ZSWIM7: variants seen among roughly 807,000 people sequenced by gnomAD.
ZSWIM7 encodes zinc finger SWIM domain-containing protein 7.
A neutral mutation model predicts 21.1 loss-of-function variants in ZSWIM7; 22 were observed. The observed-to-expected ratio is 1.04, with a 90% CI of 0.74 to 1.49. The LOEUF is 1.49. Among genes scored for constraint, ZSWIM7 ranks in the 40% most tolerant of loss-of-function variants. ZSWIM7 has a pLI of 0.00. For missense variants in ZSWIM7, 193 were observed against 168.0 expected (o/e 1.15, Z -0.82); for synonymous variants, 67 against 66.5 (o/e 1.01, Z -0.04).
At chr17:15,978,254 A>G (rs1970303635) in intron 4 of ZSWIM7, 91 bp from the exon 5 acceptor site, 1 of 903,928 alleles carries the variant, frequency 1.1e-6, no homozygotes, top group Non-Finnish European at 1.8e-6. Context: ...CTTATTTGGC[A>G]GGAGAAGACT....
chr17:15,990,337 GTTA>G (rs367797972), intron 2 of ZSWIM7, among the ~76,000 whole-genome samples: 27 of 150,792 alleles, frequency 1.8e-4, no homozygotes, highest in East Asian at 5.8e-4. Flanking sequence ...ATAAGTGTGG[GTTA>G]TTATTATTAT....
intron 3 of ZSWIM7, among the ~76,000 whole-genome samples, chr17:15,983,620 T>A (rs2151622358): frequency 6.6e-6 from 1 of 152,210 alleles, no homozygotes; most frequent in African/African-American, 2.4e-5. Flanking sequence ...AGAGTTTCAT[T>A]TTGTTGCCCA....
At chr17:15,995,658 G>C (rs1168697621) in intron 1 of ZSWIM7, among the ~76,000 whole-genome samples, 1 of 150,152 alleles carries the variant, frequency 6.7e-6, no homozygotes, top group African/African-American at 2.5e-5. Context: ...CCAGGAAGTA[G>C]AGAAAATATA....
At position 15,999,564 on chromosome 17, in the gene ZSWIM7, C is replaced by T. The variant is rs1366779869; in HGVS notation, c.31G>A (p.Glu11Lys). 6.3e-7 allele frequency: 1 copy of T among 1,590,020 alleles called. No individual in the cohort carries two copies. The highest frequency in any genetic ancestry group is 1.1e-5 in the South Asian group (1 of 89,154). Residue 11 changes from glutamate to lysine, a missense_variant, in exon 1 of 5, where the codon GAG (glutamate) becomes AAG (lysine). Glu to Lys is a moderately conservative substitution (Grantham distance 56). Transcript: ENST00000399277. MAVVLPAVVE[E>K]LLSEMAAAVQ... ...GCCGCCGCCATCTCGCTCAGGAGCTCCTCCACAACCGCCGGCAACACTACG... is the reference window on the plus strand; with the variant it reads ...GCCGCCGCCATCTCGCTCAGGAGCTTCTCCACAACCGCCGGCAACACTACG...
At chr17:15,988,797 T>A (rs528984770) in intron 2 of ZSWIM7, among the ~76,000 whole-genome samples, 1 of 152,262 alleles carries the variant, frequency 6.6e-6, no homozygotes, top group South Asian at 2.1e-4. Context: ...GGCAGGCAGA[T>A]CACCAGAGGT....
At chr17:15,992,934 T>C (rs1310468953) in intron 2 of ZSWIM7, among the ~76,000 whole-genome samples, 3 of 152,170 alleles carry the variant, frequency 2.0e-5, no homozygotes, top group Non-Finnish European at 4.4e-5. Context: ...TGGAGTGCAA[T>C]GGCACAATCG....
chr17:15,987,221 C>T (rs779360725), intron 3 of ZSWIM7, 45 bp downstream of exon 3: 20 of 1,483,846 alleles, frequency 1.3e-5, no homozygotes, highest in Non-Finnish European at 1.6e-5. Flanking sequence ...AACATTTTGT[C>T]CTAAGGGGTT....
At position 15,977,805 on chromosome 17, in the gene ZSWIM7, C is replaced by T. The variant is rs1263168119; in HGVS notation, c.*242G>A. On this transcript the variant is annotated 3_prime_UTR_variant, in exon 5 of 5. Coordinates refer to ENST00000399277, the MANE Select transcript of ZSWIM7 (RefSeq NM_001042697.2). ...CATCCAGGGACATTTTTTACCGAAG[C>T]GTCTCAGAGACTGGCTCAGGGTATT... The T allele has an allele frequency of 8.6e-6, 3 of 347,486 alleles. No homozygotes were observed. The highest frequency in any genetic ancestry group is 1.6e-5 in the Non-Finnish European group (3 of 187,776). The allele number at this position is 347,486 out of a possible 1,614,324, so 21.5% of individuals were successfully genotyped here.
intron 1 of ZSWIM7, among the ~76,000 whole-genome samples, chr17:15,994,160 C>T (rs1380685370): frequency 6.6e-6 from 1 of 152,128 alleles, no homozygotes; most frequent in Non-Finnish European, 1.5e-5. Flanking sequence ...ACCATGCTGG[C>T]CATGCTGGTC....
At chr17:15,995,891 T>C (rs1270673056) in intron 1 of ZSWIM7, among the ~76,000 whole-genome samples, 5 of 150,650 alleles carry the variant, frequency 3.3e-5, no homozygotes, top group African/African-American at 9.7e-5. Context: ...TATCAGAAGA[T>C]TCAGAACACT....
chr17:15,985,303 T>TAA (rs11289228), intron 3 of ZSWIM7, among the ~76,000 whole-genome samples: 2 of 139,548 alleles, frequency 1.4e-5, no homozygotes, highest in Admixed American at 1.4e-4. Flanking sequence ...GACTCTGCCT[T>TAA]AAAAAAAAAA....
In ZSWIM7 at chr17:15,987,453, A is replaced by ACTAC. The variant is rs975103323; in HGVS notation, c.99-86_99-85insGTAG. 3.5e-6 allele frequency: 4 copies of ACTAC among 1,146,014 alleles called. No individual in the cohort carries two copies. The African/African-American group carries it at 6.3e-5, about 18-fold the overall frequency. 71.0% of individuals were successfully genotyped at this position (1,146,014 alleles called of 1,614,324 possible). ...TGCCCAAAGGATCACTAGACTTAGT[A>ACTAC]TTTTTTAAAAATTCATTTTAATTTT... On this transcript the variant is annotated intron_variant, in intron 2 of 4. Coordinates refer to ENST00000399277, the MANE Select transcript of ZSWIM7 (RefSeq NM_001042697.2).
chr17:15,994,451 C>G (rs1335151498), intron 1 of ZSWIM7, among the ~76,000 whole-genome samples: 1 of 152,316 alleles, frequency 6.6e-6, no homozygotes, highest in Admixed American at 6.5e-5. Context: ...TCCCCAAACC[C>G]TAACGAATTG....
In ZSWIM7 at chr17:15,981,852, G is replaced by A. The variant is rs539116400; in HGVS notation, c.202-708C>T. On this transcript the variant is annotated intron_variant, in intron 3 of 4. Coordinates refer to ENST00000399277, the MANE Select transcript of ZSWIM7 (RefSeq NM_001042697.2). Reference sequence around the variant, plus strand: ...GACTGCTTGAGCCTGGGAGGTCAAGGCTGCAGTGAGCTGTGACTGCACCAC... The same window carrying A: ...GACTGCTTGAGCCTGGGAGGTCAAGACTGCAGTGAGCTGTGACTGCACCAC... 1.6e-3 allele frequency among the ~76,000 whole-genome samples: 242 copies of A among 152,290 alleles called. 1 individual carries two copies. The highest frequency in any genetic ancestry group is 2.7e-3 in the Non-Finnish European group (185 of 68,016).
Position 15,999,569 on chromosome 17 carries a change from A to G in ZSWIM7, c.26T>C (p.Val9Ala). The G allele has an allele frequency of 6.3e-7, 1 of 1,587,478 alleles. No individual in the cohort carries two copies. Among genetic ancestry groups the G allele is most frequent in the South Asian group, 1.1e-5 (1 of 88,892 alleles). The change falls in exon 1 of 5, where the codon GTG becomes GCG. Residue 9 changes from valine (V) to alanine (A), a missense_variant. Coordinates refer to ENST00000399277, the MANE Select transcript of ZSWIM7 (RefSeq NM_001042697.2). ...CGCCATCTCGCTCAGGAGCTCCTCCACAACCGCCGGCAACACTACGGCCAT... is the reference window on the plus strand; with the variant it reads ...CGCCATCTCGCTCAGGAGCTCCTCCGCAACCGCCGGCAACACTACGGCCAT... MAVVLPAV[V>A]EELLSEMAAA...
Position 15,977,960 on chromosome 17 carries a change from C to G in ZSWIM7, c.*87G>C. The G allele has an allele frequency of 9.3e-7, 1 of 1,080,920 alleles. No individual in the cohort carries two copies. Among genetic ancestry groups the G allele is most frequent in the Non-Finnish European group, 1.4e-6 (1 of 711,300 alleles). The allele number at this position is 1,080,920 out of a possible 1,614,324, so 67.0% of individuals were successfully genotyped here. ...ACATGAAGTGTCTGAAGATCCATTT[C>G]ACCTCTTTTCCATGTGAATCATGAC... On this transcript the variant is annotated 3_prime_UTR_variant, in exon 5 of 5. Coordinates refer to ENST00000399277, the MANE Select transcript of ZSWIM7 (RefSeq NM_001042697.2).
intron 3 of ZSWIM7, among the ~76,000 whole-genome samples, chr17:15,985,740 A>G (rs1226429470): frequency 6.6e-6 from 1 of 152,252 alleles, no homozygotes; most frequent in Non-Finnish European, 1.5e-5. Flanking sequence ...GTCAACAGTA[A>G]TTAAACTATT....
At chr17:15,991,834 T>C (rs1970485729) in intron 2 of ZSWIM7, among the ~76,000 whole-genome samples, 1 of 151,730 alleles carries the variant, frequency 6.6e-6, no homozygotes, top group African/African-American at 2.4e-5. Flanking sequence ...GGCTGGAGTG[T>C]AGTGGCACAA....
At chr17:15,995,213 T>C (rs574009428) in intron 1 of ZSWIM7, among the ~76,000 whole-genome samples, 13 of 152,106 alleles carry the variant, frequency 8.5e-5, no homozygotes, top group African/African-American at 2.6e-4. Context: ...GGCAGGAAGA[T>C]TGCTTGAAAC....
Sources: allele counts gnomAD v4.1 joint callset (sites outside exome capture counted in the v4.1 genomes callset), GRCh38; gene constraint gnomAD v4.1.1; transcripts MANE v1.5; gene names NCBI Gene and HGNC (gene_info 2026-07-23, HGNC 2026-07-21).